Variants in FRMD4A observed in about 807,000 individuals in gnomAD.
The protein encoded by FRMD4A is FERM domain-containing protein 4A.
A neutral mutation model predicts 129.1 loss-of-function variants in FRMD4A; 29 were observed. The ratio of observed to expected loss-of-function variants is 0.22; its 90% CI spans 0.17 to 0.31. The LOEUF is 0.31. FRMD4A is among the 10% of genes least tolerant of loss of function. The probability of loss-of-function intolerance (pLI) is 1.00; values close to 1 mark genes in which losing one functional copy is unlikely to be tolerated. For missense variants in FRMD4A, 1,272 were observed against 1,375.8 expected (o/e 0.92, Z 1.19); for synonymous variants, 634 against 571.6 (o/e 1.11, Z -1.56).
chr10:14,034,456 C>T (rs1372133569), intron 2 of FRMD4A, among the ~76,000 whole-genome samples: 1 of 152,168 alleles, frequency 6.6e-6, no homozygotes, highest in African/African-American at 2.4e-5. Context: ...TGTGGAACAG[C>T]CATGGGAGGA....
chr10:14,271,434 C>G (rs1000856990), intron 2 of FRMD4A, among the ~76,000 whole-genome samples: 2 of 152,226 alleles, frequency 1.3e-5, no homozygotes, highest in Non-Finnish European at 2.9e-5. Flanking sequence ...CCCACATTCA[C>G]ACTGGGACAT....
At chr10:14,294,030 C>G (rs1845931251) in intron 2 of FRMD4A, among the ~76,000 whole-genome samples, 1 of 152,130 alleles carries the variant, frequency 6.6e-6, no homozygotes, top group African/African-American at 2.4e-5. Flanking sequence ...AGTACCACAA[C>G]CAAGAAAAGC....
In FRMD4A at chr10:13,645,251, G is replaced by GCTAA. The variant is rs1161251346; in HGVS notation, c.*1783_*1786dup. The GCTAA allele has an allele frequency of 1.3e-5, 2 of 152,112 alleles. No homozygotes were observed. The highest frequency in any genetic ancestry group is 4.8e-5 in the African/African-American group (2 of 41,408). The allele number at this position is 152,112 out of a possible 1,614,324, so 9.4% of individuals were successfully genotyped here. The stretch of plus-strand genomic sequence containing the variant: ...GATTTTTCTTTGTTTTTATGCTTAA[G>GCTAA]CTAACTTCAGTTCTGCTTTCCCACA... On this transcript the variant is annotated 3_prime_UTR_variant, in exon 25 of 25. Coordinates refer to ENST00000357447, the MANE Select transcript of FRMD4A (RefSeq NM_018027.5).
rs1015228471 is a variant in FRMD4A at position 13,865,974 on chromosome 10, C to T, written c.46-7062G>A. On this transcript the variant is annotated intron_variant, in intron 2 of 24. Coordinates refer to ENST00000357447, the MANE Select transcript of FRMD4A (RefSeq NM_018027.5). ...TGAGATGTTCACAGGCCTGCCAAAACATTTTTTTAGTCTAGTTACCAATTG... is the reference window on the plus strand; with the variant it reads ...TGAGATGTTCACAGGCCTGCCAAAATATTTTTTTAGTCTAGTTACCAATTG... 3.9e-5 allele frequency among the ~76,000 whole-genome samples: 6 copies of T among 152,214 alleles called. No individual in the cohort carries two copies. In the East Asian group the frequency reaches 1.2e-3, roughly 29 times the overall value.
intron 2 of FRMD4A, among the ~76,000 whole-genome samples, chr10:14,179,709 A>G (rs1841848762): frequency 6.6e-6 from 1 of 152,170 alleles, no homozygotes; most frequent in Admixed American, 6.5e-5. Context: ...CATTCTTTCA[A>G]ATTGTTTTTA....
chr10:14,059,710 A>G (rs1282069541), intron 2 of FRMD4A, among the ~76,000 whole-genome samples: 2 of 152,230 alleles, frequency 1.3e-5, no homozygotes, highest in African/African-American at 4.8e-5. Context: ...CTGCCTGTTC[A>G]GTTGTTTGAC....
intron 2 of FRMD4A, among the ~76,000 whole-genome samples, chr10:14,289,017 T>G (rs1033322772): frequency 5.9e-5 from 9 of 152,334 alleles, no homozygotes; most frequent in African/African-American, 2.2e-4. Flanking sequence ...TTCTTCATCT[T>G]TAAATGGACA....
At chr10:14,256,159 T>C (rs1844607378) in intron 2 of FRMD4A, among the ~76,000 whole-genome samples, 1 of 152,058 alleles carries the variant, frequency 6.6e-6, no homozygotes, top group East Asian at 1.9e-4. Flanking sequence ...ATTTTTAAAA[T>C]ATAATAGGAA....
In FRMD4A at chr10:13,829,227, C is replaced by T. The variant is rs114765875; in HGVS notation, c.112-18319G>A. On this transcript the variant is annotated intron_variant, in intron 3 of 24. Coordinates refer to ENST00000357447, the MANE Select transcript of FRMD4A (RefSeq NM_018027.5). The stretch of plus-strand genomic sequence containing the variant: ...GAAGCTTTCACATTGATAAACAAAA[C>T]GAAAAACATTCTTCCGGCAGGGCAT... Among the ~76,000 whole-genome samples, 680 of 152,164 alleles carry T rather than the reference C, an allele frequency of 4.5e-3. 5 individuals carry two copies. Among genetic ancestry groups the T allele is most frequent in the African/African-American group, 0.015 (639 of 41,518 alleles).
intron 2 of FRMD4A, among the ~76,000 whole-genome samples, chr10:13,974,845 C>A (rs1267489805): frequency 6.6e-6 from 1 of 152,186 alleles, no homozygotes; most frequent in Non-Finnish European, 1.5e-5. Context: ...GCCTTTAAAT[C>A]GCTAATTCAG....
intron 2 of FRMD4A, among the ~76,000 whole-genome samples, chr10:14,019,911 T>C (rs1033462572): frequency 6.6e-6 from 1 of 152,222 alleles, no homozygotes; most frequent in Non-Finnish European, 1.5e-5. Context: ...TTTTTTCCTT[T>C]GGGGTGCGTT....
chr10:13,799,841 C>T (rs2093213488), intron 4 of FRMD4A, among the ~76,000 whole-genome samples: 1 of 152,132 alleles, frequency 6.6e-6, no homozygotes, highest in Non-Finnish European at 1.5e-5. Context: ...TGTGTGTCAT[C>T]TTCAAGGCAT....
rs566098288 is a variant in FRMD4A, at chr10:13,966,303, T to A, written c.46-107391A>T. ...CTCCCAAAGTGTAAGTTTGTATAAT[T>A]TTTAATGATTTTCCTTTTAAGTCTC... On this transcript the variant is annotated intron_variant, in intron 2 of 24. Coordinates refer to ENST00000357447, the MANE Select transcript of FRMD4A (RefSeq NM_018027.5). 1.1e-4 allele frequency among the ~76,000 whole-genome samples: 17 copies of A among 152,278 alleles called. 1 individual carries two copies. In the South Asian group the frequency reaches 2.1e-3, roughly 19 times the overall value.
chr10:14,076,848 A>G (rs1564266962), intron 2 of FRMD4A, among the ~76,000 whole-genome samples: 1 of 152,228 alleles, frequency 6.6e-6, no homozygotes, highest in African/African-American at 2.4e-5. Context: ...GTGTCAGAAT[A>G]CAAAGCTACA....
chr10:14,080,962 A>C (rs79752551), intron 2 of FRMD4A, among the ~76,000 whole-genome samples: 1,689 of 151,996 alleles, frequency 0.011, 41 homozygotes, highest in African/African-American at 0.039. Context: ...CGTTGATGGA[A>C]CCGTCATCTC....
intron 3 of FRMD4A, among the ~76,000 whole-genome samples, chr10:13,822,779 C>G (rs2093648769): frequency 6.6e-6 from 1 of 152,148 alleles, no homozygotes; most frequent in African/African-American, 2.4e-5. Flanking sequence ...AAGGATATGT[C>G]ATGTCCCTAT....
chr10:14,227,578 T>C lies in FRMD4A; in HGVS notation c.45+102480A>G, dbSNP rs559969984. On this transcript the variant is annotated intron_variant, in intron 2 of 24. Transcript: ENST00000357447. ...TCTCTTTAGTGTTCTAGCCTCCCCA[T>C]TCCTATGCTCTCAGCTTGAGCGTCA... is the stretch of plus-strand genomic sequence containing the variant. 5.9e-5 allele frequency among the ~76,000 whole-genome samples: 9 copies of C among 152,162 alleles called. 1 individual carries two copies. The East Asian group carries it at 1.7e-3, about 30-fold the overall frequency.
chr10:13,765,122 T>TG (rs1216192432), intron 6 of FRMD4A, among the ~76,000 whole-genome samples: 8 of 148,980 alleles, frequency 5.4e-5, no homozygotes, highest in Admixed American at 2.7e-4. Flanking sequence ...TTGTTTTTTT[T>TG]TTTTTTTTTG....
intron 2 of FRMD4A, among the ~76,000 whole-genome samples, chr10:13,884,208 TCACA>T (rs747364370): frequency 0.027 from 2,214 of 81,300 alleles, 81 homozygotes; most frequent in Middle Eastern, 0.052. Context: ...ACACACACAC[TCACA>T]CACACACACA....
Sources: gnomAD v4.1 joint callset for allele counts (sites outside exome capture counted in the v4.1 genomes callset) on GRCh38, gnomAD v4.1.1 for gene constraint, MANE v1.5 for transcripts, NCBI Gene and HGNC (gene_info 2026-07-23, HGNC 2026-07-21) for gene names.